Variants in CCDC7 observed in about 807,000 individuals in gnomAD.
CCDC7 encodes the protein coiled-coil domain-containing protein 7.
CCDC7 carries 183 observed loss-of-function variants against 196.9 expected under a neutral mutation model. The observed-to-expected ratio is 0.93, with a 90% CI of 0.82 to 1.05. CCDC7 has a LOEUF of 1.05. CCDC7 is among the 50% of genes least tolerant of loss of function. CCDC7 has a pLI of 0.00. For missense variants in CCDC7, 1,540 were observed against 1,482.2 expected, an observed-to-expected ratio of 1.04 and a Z score of -0.64; for synonymous variants, 525 against 484.6, an observed-to-expected ratio of 1.08 and a Z score of -1.10.
At chr10:32,729,708 T>C (rs953564344) in intron 28 of CCDC7, among the ~76,000 whole-genome samples, 4 of 152,150 alleles carry the variant, frequency 2.6e-5, no homozygotes, top group Non-Finnish European at 1.5e-5. Flanking sequence ...TAATGCTCTA[T>C]TTTTGTGTGT....
At chr10:32,801,852 A>G (rs2084857125) in intron 29 of CCDC7, among the ~76,000 whole-genome samples, 2 of 152,134 alleles carry the variant, frequency 1.3e-5, no homozygotes, top group Admixed American at 6.5e-5. Flanking sequence ...TGTTGCCACC[A>G]CTTGGAGTGG....
chr10:32,757,048 C>G (rs542886775), intron 28 of CCDC7, among the ~76,000 whole-genome samples: 2 of 152,254 alleles, frequency 1.3e-5, no homozygotes, highest in African/African-American at 4.8e-5. Context: ...ACAAGAAGAG[C>G]TAACTATCCT....
At chr10:32,558,046 TC>T (rs1215638447) in intron 13 of CCDC7, among the ~76,000 whole-genome samples, 1 of 152,248 alleles carries the variant, frequency 6.6e-6, no homozygotes, top group African/African-American at 2.4e-5. Flanking sequence ...GAGCATATTT[TC>T]CTTTATGCTG....
intron 41 of CCDC7, among the ~76,000 whole-genome samples, chr10:32,874,095 C>A (rs1046246175): frequency 4.0e-5 from 6 of 150,402 alleles, no homozygotes; most frequent in African/African-American, 1.5e-4. Flanking sequence ...AAAGAGAAAA[C>A]CTGTTTAGAG....
chr10:32,490,916 C>T (rs1030136551), intron 8 of CCDC7, among the ~76,000 whole-genome samples: 5 of 152,198 alleles, frequency 3.3e-5, no homozygotes, highest in Admixed American at 2.0e-4. Flanking sequence ...AAGCTGGCTT[C>T]TCCCAGTATC....
At chr10:32,560,341 G>A (rs1215722583) in intron 13 of CCDC7, among the ~76,000 whole-genome samples, 7 of 152,052 alleles carry the variant, frequency 4.6e-5, no homozygotes, top group East Asian at 3.9e-4. Flanking sequence ...GATACTCCTC[G>A]AGAAGAGCAA....
intron 33 of CCDC7, among the ~76,000 whole-genome samples, chr10:32,841,640 A>C (rs1361675560): frequency 6.6e-6 from 1 of 152,062 alleles, no homozygotes; most frequent in African/African-American, 2.4e-5. Flanking sequence ...AACCAAAAAA[A>C]GCCCACATAG....
chr10:32,752,244 A>AT (rs2075775729), intron 28 of CCDC7, among the ~76,000 whole-genome samples: 1 of 151,530 alleles, frequency 6.6e-6, no homozygotes, highest in Admixed American at 6.6e-5. Context: ...TAGCCCTCTA[A>AT]TTGAGAGCTA....
intron 11 of CCDC7, among the ~76,000 whole-genome samples, chr10:32,523,726 A>G (rs1241313160): frequency 1.4e-5 from 2 of 148,018 alleles, no homozygotes; most frequent in Non-Finnish European, 3.0e-5. Context: ...TCATTATATA[A>G]TGACCTTTTT....
intron 29 of CCDC7, among the ~76,000 whole-genome samples, chr10:32,800,189 C>T (rs923137408): frequency 3.3e-5 from 5 of 152,164 alleles, no homozygotes; most frequent in African/African-American, 1.2e-4. Context: ...TGGGAATCAC[C>T]ACCCCTGCAT....
intron 28 of CCDC7, among the ~76,000 whole-genome samples, chr10:32,758,760 G>A (rs2076917717): frequency 6.6e-6 from 1 of 152,138 alleles, no homozygotes; most frequent in Non-Finnish European, 1.5e-5. Flanking sequence ...AATCAGGCAG[G>A]AGAAGGAAAT....
At chr10:32,644,096 C>T (rs2067331820) in intron 20 of CCDC7, among the ~76,000 whole-genome samples, 1 of 152,138 alleles carries the variant, frequency 6.6e-6, no homozygotes, top group South Asian at 2.1e-4. Flanking sequence ...GGTACACATT[C>T]ATGGGGTACA....
downstream of CCDC7, among the ~76,000 whole-genome samples, chr10:32,879,315 A>C (rs1329659835): frequency 6.6e-6 from 1 of 152,210 alleles, no homozygotes; most frequent in Non-Finnish European, 1.5e-5. Flanking sequence ...AATTCCATAC[A>C]GTATCTGCTA....
At chr10:32,549,424 C>G (rs935080762) in intron 13 of CCDC7, among the ~76,000 whole-genome samples, 1 of 152,024 alleles carries the variant, frequency 6.6e-6, no homozygotes, top group Non-Finnish European at 1.5e-5. Flanking sequence ...TTAATTAGGT[C>G]CCAGATATTT....
At chr10:32,875,564 C>T (rs1265792841) in intron 41 of CCDC7, among the ~76,000 whole-genome samples, 5 of 151,734 alleles carry the variant, frequency 3.3e-5, no homozygotes, top group Non-Finnish European at 5.9e-5. Context: ...AAAGTCTTTC[C>T]GTATCAGCAC....
intron 25 of CCDC7, among the ~76,000 whole-genome samples, chr10:32,719,132 AG>A (rs1451932139): frequency 2.0e-5 from 3 of 152,212 alleles, no homozygotes; most frequent in Non-Finnish European, 4.4e-5. Context: ...CTATACTACA[AG>A]GCTACAGTAA....
At chr10:32,770,273 C>T (rs541831265) in intron 28 of CCDC7, among the ~76,000 whole-genome samples, 61 of 152,254 alleles carry the variant, frequency 4.0e-4, no homozygotes, top group African/African-American at 1.2e-3. Context: ...TCTCTCTTAG[C>T]ACTGCTTTTG....
chr10:32,744,140 A>T (rs559426215), intron 28 of CCDC7, among the ~76,000 whole-genome samples: 6 of 85,982 alleles, frequency 7.0e-5, no homozygotes, highest in African/African-American at 1.3e-4. Flanking sequence ...AGTATAATTT[A>T]AAAAAAAAGA....
At chr10:32,688,820 A>G (rs920289604) in intron 22 of CCDC7, among the ~76,000 whole-genome samples, 2 of 152,214 alleles carry the variant, frequency 1.3e-5, no homozygotes, top group African/African-American at 4.8e-5. Context: ...AAAGCCAGAG[A>G]CTAAGATAAA....
Sources: allele counts gnomAD v4.1 joint callset (sites outside exome capture counted in the v4.1 genomes callset), GRCh38; gene constraint gnomAD v4.1.1; transcripts MANE v1.5; gene names NCBI Gene and HGNC (gene_info 2026-07-23, HGNC 2026-07-21).